Variants in TRIM28 observed in about 807,000 individuals in gnomAD.
The protein encoded by TRIM28 is tripartite motif containing 28.
Under a neutral mutation model 87.4 loss-of-function variants are expected in TRIM28, and 8 were observed. That is an observed-to-expected ratio of 0.09 (90% CI 0.05 to 0.17). The LOEUF is 0.17. Among genes scored for constraint, TRIM28 ranks in the 10% least tolerant of loss-of-function variants. The probability of loss-of-function intolerance (pLI) is 1.00; values close to 1 mark genes in which losing one functional copy is unlikely to be tolerated. For synonymous variants in TRIM28, 601 were observed against 454.3 expected (o/e 1.32, Z -4.11); for missense variants, 968 against 1,131.8 (o/e 0.86, Z 2.08).
At position 58,549,463 on chromosome 19, in the gene TRIM28, ACCAGCT is replaced by A. The variant is rs756619339; in HGVS notation, c.1797_1802del (p.Ser600_Ser601del). The A allele has an allele frequency of 1.2e-6, 2 of 1,612,094 alleles. No homozygotes were observed. The highest frequency in any genetic ancestry group is 1.7e-6 in the Non-Finnish European group (2 of 1,178,838). Reference sequence around the variant, plus strand: ...CCGCCTGGCCTCACCTAGTGGCAGCACCAGCTCAGGGCTGGAGGTGGTGGCTCCTGA... The same window carrying A: ...CCGCCTGGCCTCACCTAGTGGCAGCACAGGGCTGGAGGTGGTGGCTCCTGA... On this transcript the variant is annotated inframe_deletion, in exon 13 of 17. Transcript: ENST00000253024. The surrounding 1 kb of genome is among the most constrained non-coding windows in gnomAD (Gnocchi z 4.4).
chr19:58,549,679 C>G lies in TRIM28; in HGVS notation c.1982+29C>G, dbSNP rs1231249872. 5.6e-6 allele frequency: 9 copies of G among 1,603,628 alleles called. No individual in the cohort carries two copies. The highest frequency in any genetic ancestry group is 7.7e-6 in the Non-Finnish European group (9 of 1,172,400). On this transcript the variant is annotated intron_variant, in intron 13 of 16. Transcript: ENST00000253024. The surrounding 1 kb of genome is among the most constrained non-coding windows in gnomAD (Gnocchi z 4.4). ...AGTGTGAGGCTGGTGGGGGTCAAGT[C>G]TGGGTGTTGGGCTGTCTGGACAGGA... is the stretch of plus-strand genomic sequence containing the variant.
At chr19:58,547,939 G>C in intron 6 of TRIM28, 33 bp downstream of exon 6, 1 of 1,613,808 alleles carries the variant, frequency 6.2e-7, no homozygotes, top group Non-Finnish European at 8.5e-7. Flanking sequence ...GGGTCCCTGA[G>C]CCCCCTCTGC....
In TRIM28 at chr19:58,549,287, C is replaced by T; in HGVS notation, c.1663-44C>T. On this transcript the variant is annotated intron_variant, in intron 12 of 16. Coordinates refer to ENST00000253024, the MANE Select transcript of TRIM28 (RefSeq NM_005762.3). The surrounding 1 kb of genome is among the most constrained non-coding windows in gnomAD (Gnocchi z 4.4). The stretch of plus-strand genomic sequence containing the variant: ...ATAGCTGTAGGATGAAGCCTGTAGT[C>T]CAGGTCTGGACCCTGTTGAACACCC... 1.3e-6 allele frequency: 2 copies of T among 1,593,168 alleles called. No individual in the cohort carries two copies. The highest frequency in any genetic ancestry group is 1.7e-4 in the Middle Eastern group (1 of 5,972).
chr19:58,547,071 G>A (rs938843200), intron 3 of TRIM28: 8 of 330,964 alleles, frequency 2.4e-5, no homozygotes, highest in African/African-American at 4.4e-5. Context: ...AAGGGTCAGC[G>A]GGGGTGGGGG....
In TRIM28 at chr19:58,548,350, T is replaced by G. The variant is rs145844294; in HGVS notation, c.1158T>G (p.His386Gln). 682 of 1,614,176 alleles carry G rather than the reference T, an allele frequency of 4.2e-4. No individual in the cohort carries two copies. Among genetic ancestry groups the G allele is most frequent in the Non-Finnish European group, 5.1e-4 (603 of 1,180,032 alleles). ...LKMIVDPVEP[H>Q]GEMKFQWDLN... ...TGATTGTGGATCCCGTGGAGCCACA[T>G]GGCGAGATGAAGTTTCAGTGGGACC... Residue 386 changes from histidine to glutamine, a missense_variant, in exon 8 of 17, where the codon CAT (histidine) becomes CAG (glutamine). His to Gln is a conservative substitution (Grantham distance 24). Around this residue, in one of 11 missense-constraint regions of TRIM28, gnomAD observed 84 missense variants for 139.9 expected, o/e 0.60. Coordinates refer to ENST00000253024, the MANE Select transcript of TRIM28 (RefSeq NM_005762.3).
In TRIM28 at chr19:58,549,425, G is replaced by T. The variant is rs751922631; in HGVS notation, c.1757G>T (p.Gly586Val). The change falls in exon 13 of 17, where the codon GGT becomes GTT. Residue 586 changes from glycine to valine, a missense_variant. Physicochemically the swap from Gly to Val is moderately radical, Grantham distance 109. Around this residue, in one of 11 missense-constraint regions of TRIM28, gnomAD observed 164 missense variants for 146.2 expected, o/e 1.12. Coordinates refer to ENST00000253024, the MANE Select transcript of TRIM28 (RefSeq NM_005762.3). The surrounding 1 kb of genome is among the most constrained non-coding windows in gnomAD (Gnocchi z 4.4). ...CTTATGGCTCTTGCGGAGGGTCCTG[G>T]TGCTGAGGGTCCCCGCCTGGCCTCA... ...PVLMALAEGPGAEGPRLASPS... is the reference protein window; with the variant it reads ...PVLMALAEGPVAEGPRLASPS... The T allele has an allele frequency of 6.2e-7, 1 of 1,605,570 alleles. No homozygotes were observed. The highest frequency in any genetic ancestry group is 8.5e-7 in the Non-Finnish European group (1 of 1,173,648).
Position 58,548,493 on chromosome 19 carries a change from T to A in TRIM28, c.1224T>A (p.Ile408=), listed in dbSNP as rs1456967160. The change falls in exon 9 of 17, where the codon ATT becomes ATA. Residue 408 remains isoleucine (I), a synonymous_variant. Coordinates refer to ENST00000253024, the MANE Select transcript of TRIM28 (RefSeq NM_005762.3). The part of the protein sequence containing the change: ...WTKSAEAFGK[I]VAERPGTNST... ...TCTCTCTTCTTTTTGCAGGCAAGATTGTGGCAGAGCGTCCTGGCACTAACT... is the reference window on the plus strand; with the variant it reads ...TCTCTCTTCTTTTTGCAGGCAAGATAGTGGCAGAGCGTCCTGGCACTAACT... 1.2e-6 allele frequency: 2 copies of A among 1,613,958 alleles called. No individual in the cohort carries two copies. Among genetic ancestry groups the A allele is most frequent in the African/African-American group, 2.7e-5 (2 of 74,904 alleles).
At position 58,550,298 on chromosome 19, in the gene TRIM28, A is replaced by C; in HGVS notation, c.2331+14A>C. On this transcript the variant is annotated intron_variant, in intron 16 of 16. Coordinates refer to ENST00000253024, the MANE Select transcript of TRIM28 (RefSeq NM_005762.3). ...AAGTTAACTGAGGTGAGCCAGTGGA[A>C]TGGAGAGGCTGTGGGCAGGGGGAGA... The C allele has an allele frequency of 6.2e-7, 1 of 1,614,066 alleles. No homozygotes were observed. Among genetic ancestry groups the C allele is most frequent in the Non-Finnish European group, 8.5e-7 (1 of 1,179,936 alleles).
At position 58,549,718 on chromosome 19, in the gene TRIM28, CTTA is replaced by C; in HGVS notation, c.1983-16_1983-14del. On this transcript the variant is annotated splice_polypyrimidine_tract_variant and intron_variant, in intron 13 of 16. Transcript: ENST00000253024. The surrounding 1 kb of genome is among the most constrained non-coding windows in gnomAD (Gnocchi z 4.4). ...GTCTGGACAGGATCATGTGCAGACC[CTTA>C]TTTTCTTCACCCTAGGGAGGAGTGG... 6.3e-7 allele frequency: 1 copy of C among 1,599,722 alleles called. No individual in the cohort carries two copies. Among genetic ancestry groups the C allele is most frequent in the Non-Finnish European group, 8.5e-7 (1 of 1,170,228 alleles).
Position 58,549,872 on chromosome 19 carries a change from G to A in TRIM28, c.2106+12G>A, listed in dbSNP as rs752449956. On this transcript the variant is annotated intron_variant, in intron 14 of 16. Transcript: ENST00000253024. The surrounding 1 kb of genome is among the most constrained non-coding windows in gnomAD (Gnocchi z 4.4). Reference sequence around the variant, plus strand: ...CAGCCAACCAGCGGGTGAGGGCTGGGGTTACTTAGGTGGGGTTGCCCAGAG... The same window carrying A: ...CAGCCAACCAGCGGGTGAGGGCTGGAGTTACTTAGGTGGGGTTGCCCAGAG... 1.2e-6 allele frequency: 2 copies of A among 1,613,136 alleles called. No homozygotes were observed. The highest frequency in any genetic ancestry group is 1.1e-5 in the South Asian group (1 of 91,086).
intron 1 of TRIM28, 53 bp from the exon 2 acceptor site, chr19:58,545,372 C>A: frequency 1.4e-6 from 2 of 1,428,456 alleles, no homozygotes; most frequent in Non-Finnish European, 2.0e-6. Flanking sequence ...ATGGTGGGGG[C>A]CATAACCTGG....
intron 3 of TRIM28, 32 bp downstream of exon 3, chr19:58,545,928 G>T (rs781182911): frequency 3.2e-6 from 5 of 1,572,042 alleles, no homozygotes; most frequent in Non-Finnish European, 4.3e-6. Context: ...TGTTGGAGTT[G>T]TTCTCCCATG....
chr19:58,545,292 AAAG>A (rs1217646855), intron 1 of TRIM28, 130 bp from the exon 2 acceptor site: 1 of 929,446 alleles, frequency 1.1e-6, no homozygotes, highest in Non-Finnish European at 1.6e-6. Flanking sequence ...AAGTTGGAGA[AAAG>A]AAGGCTCGGG....
chr19:58,545,627 C>T, intron 2 of TRIM28, 90 bp downstream of exon 2: 1 of 1,488,782 alleles, frequency 6.7e-7, no homozygotes, highest in Non-Finnish European at 9.2e-7. Context: ...GCTGTTACTC[C>T]ACTTTCCCAA....
At position 58,550,699 on chromosome 19, in the gene TRIM28, TAAA is replaced by T; in HGVS notation, c.*149_*151del. The T allele has an allele frequency of 1.1e-6, 1 of 878,268 alleles. No individual in the cohort carries two copies. The highest frequency in any genetic ancestry group is 1.7e-6 in the Non-Finnish European group (1 of 591,780). The allele number at this position is 878,268 out of a possible 1,614,324, so 54.4% of individuals were successfully genotyped here. On this transcript the variant is annotated 3_prime_UTR_variant, in exon 17 of 17. Transcript: ENST00000253024. Reference sequence around the variant, plus strand: ...ATGGTTTTTACTTCTGTGGATTTAATAAAAACTTCACCAGTTCCTCAGGCGTTG... The same window carrying T: ...ATGGTTTTTACTTCTGTGGATTTAATAACTTCACCAGTTCCTCAGGCGTTG...
rs1195971956 is a variant in TRIM28 at position 58,544,517 on chromosome 19, T to A, written c.-241T>A. On this transcript the variant is annotated 5_prime_UTR_variant, in exon 1 of 17. Transcript: ENST00000253024. ...TTGTGCTTGTGGCGCGTGGTGCGGGTTTCGGCGGCGGCTGAGGAAGAAGCG... is the reference window on the plus strand; with the variant it reads ...TTGTGCTTGTGGCGCGTGGTGCGGGATTCGGCGGCGGCTGAGGAAGAAGCG... 6.6e-6 allele frequency: 1 copy of A among 152,656 alleles called. No individual in the cohort carries two copies. The highest frequency in any genetic ancestry group is 1.8e-4 in the South Asian group (1 of 5,474). The allele number at this position is 152,656 out of a possible 1,614,324, so 9.5% of individuals were successfully genotyped here. A position where few individuals can be genotyped will look rare whatever the true frequency, so the allele number is the denominator to read the frequency against.
chr19:58,545,340 CGGGGGCCCACCCAGCAGGGGAATGGT>C (rs1568659085), intron 1 of TRIM28, 59 bp from the exon 2 acceptor site: 20 of 1,149,010 alleles, frequency 1.7e-5, no homozygotes, highest in Admixed American at 2.1e-5. Context: ...GGATAATGGT[CGGGGGCCCACCCAGCAGGGGAATGGT>C]GGGGGCCATA....
rs760390210 is a variant in TRIM28 at position 58,549,318 on chromosome 19, C to T, written c.1663-13C>T. 3 of 1,568,758 alleles carry T rather than the reference C, an allele frequency of 1.9e-6. No homozygotes were observed. Among genetic ancestry groups the T allele is most frequent in the Non-Finnish European group, 2.6e-6 (3 of 1,154,304 alleles). Reference sequence around the variant, plus strand: ...CTGGACCCTGTTGAACACCCCTCATCACCACCTTGCAGGAGGAGGAGACGG... The same window carrying T: ...CTGGACCCTGTTGAACACCCCTCATTACCACCTTGCAGGAGGAGGAGACGG... On this transcript the variant is annotated splice_polypyrimidine_tract_variant and intron_variant, in intron 12 of 16. Transcript: ENST00000253024. This position sits in a 1 kb window ranked among gnomAD's most constrained non-coding sequence, Gnocchi z 4.4.
At position 58,550,699 on chromosome 19, in the gene TRIM28, TA is replaced by T; in HGVS notation, c.*151del. On this transcript the variant is annotated 3_prime_UTR_variant, in exon 17 of 17. Coordinates refer to ENST00000253024, the MANE Select transcript of TRIM28 (RefSeq NM_005762.3). ...ATGGTTTTTACTTCTGTGGATTTAA[TA>T]AAAACTTCACCAGTTCCTCAGGCGT... 1 of 878,268 alleles carries T rather than the reference TA, an allele frequency of 1.1e-6. No individual in the cohort carries two copies. The highest frequency in any genetic ancestry group is 1.8e-5 in the South Asian group (1 of 55,732). 54.4% of individuals were successfully genotyped at this position (878,268 alleles called of 1,614,324 possible). A position where few individuals can be genotyped will look rare whatever the true frequency, so the allele number is the denominator to read the frequency against.
Sources: gnomAD v4.1 joint callset for allele counts on GRCh38, gnomAD v4.1.1 for gene constraint, gnomAD v4.1.1 regional missense constraint, Gnocchi (gnomAD v3.1) non-coding constraint, MANE v1.5 for transcripts, NCBI Gene and HGNC (gene_info 2026-07-23, HGNC 2026-07-21) for gene names.